GALNT18: variants seen among roughly 807,000 people sequenced by gnomAD.
GALNT18 encodes the protein GalNAc-transferase 18.
Under a neutral mutation model 69.5 loss-of-function variants are expected in GALNT18, and 44 were observed. The ratio of observed to expected loss-of-function variants is 0.63; its 90% CI spans 0.50 to 0.81. The LOEUF is 0.81. Among genes scored for constraint, GALNT18 ranks in the 40% least tolerant of loss-of-function variants. The probability of loss-of-function intolerance (pLI) is 0.00; values close to 1 mark genes in which losing one functional copy is unlikely to be tolerated. For synonymous variants in GALNT18, 364 were observed against 318.2 expected (o/e 1.14, Z -1.53); for missense variants, 715 against 810.0 (o/e 0.88, Z 1.42).
At chr11:11,608,347 G>A (rs937138035) in intron 1 of GALNT18, among the ~76,000 whole-genome samples, 9 of 151,956 alleles carry the variant, frequency 5.9e-5, no homozygotes, top group East Asian at 3.9e-4. Flanking sequence ...GGGGGTGCTC[G>A]CCTGTCTTTT....
intron 1 of GALNT18, among the ~76,000 whole-genome samples, chr11:11,560,113 A>G (rs1858447444): frequency 6.6e-6 from 1 of 151,192 alleles, no homozygotes; most frequent in Admixed American, 6.6e-5. Context: ...ATAGAATAAG[A>G]TACAATGGGA....
chr11:11,563,129 T>G lies in GALNT18; in HGVS notation c.235+58230A>C, dbSNP rs578046121. Among the ~76,000 whole-genome samples the G allele has an allele frequency of 1.1e-4, 17 of 151,910 alleles. No individual in the cohort carries two copies. Among genetic ancestry groups the G allele is most frequent in the African/African-American group, 3.9e-4 (16 of 41,418 alleles). ...TGACCCCCCACCACACCCCACAGAGTGCCCTCAAACAGTGGAGGAGCAGCT... is the reference window on the plus strand; with the variant it reads ...TGACCCCCCACCACACCCCACAGAGGGCCCTCAAACAGTGGAGGAGCAGCT... On this transcript the variant is annotated intron_variant, in intron 1 of 10. Transcript: ENST00000227756. The surrounding 1 kb of genome is among the most constrained non-coding windows in gnomAD (Gnocchi z 4.6).
chr11:11,282,734 A>G (rs1345542057), intron 10 of GALNT18, among the ~76,000 whole-genome samples: 1 of 151,892 alleles, frequency 6.6e-6, no homozygotes, highest in African/African-American at 2.4e-5. Context: ...CAGAGACACT[A>G]TTCATTAATC....
intron 6 of GALNT18, chr11:11,352,050 G>A: frequency 6.2e-7 from 1 of 1,613,776 alleles, no homozygotes. Flanking sequence ...AGTTGGCACT[G>A]AAGAAATCCC....
rs1854318636 is a variant in GALNT18, at chr11:11,396,049, G to A, written c.596-16785C>T. Among the ~76,000 whole-genome samples, 2 of 152,196 alleles carry A rather than the reference G, an allele frequency of 1.3e-5. No individual in the cohort carries two copies. Among genetic ancestry groups the A allele is most frequent in the Non-Finnish European group, 2.9e-5 (2 of 68,032 alleles). ...TGCCATTTTCCTGGGGTACAGCTGA[G>A]CCTTACCCAGCAACAACCACTTCCC... is the stretch of plus-strand genomic sequence containing the variant. On this transcript the variant is annotated intron_variant, in intron 3 of 10. Coordinates refer to ENST00000227756, the MANE Select transcript of GALNT18 (RefSeq NM_198516.3). The surrounding 1 kb of genome is among the most constrained non-coding windows in gnomAD (Gnocchi z 5.2).
intron 1 of GALNT18, among the ~76,000 whole-genome samples, chr11:11,537,366 A>G (rs200659582): frequency 9.5e-4 from 2 of 2,096 alleles, no homozygotes; most frequent in East Asian, 0.031. Flanking sequence ...CAAGTCAGGG[A>G]AAAAAAAATC....
chr11:11,382,878 T>C lies in GALNT18; in HGVS notation c.596-3614A>G, dbSNP rs1159068689. ...ATATTTTGTGCTTGTTTTAATGCGTTGGAGAAAGAGGAGGCAGGGAGTCTG... is the reference window on the plus strand; with the variant it reads ...ATATTTTGTGCTTGTTTTAATGCGTCGGAGAAAGAGGAGGCAGGGAGTCTG... On this transcript the variant is annotated intron_variant, in intron 3 of 10. Coordinates refer to ENST00000227756, the MANE Select transcript of GALNT18 (RefSeq NM_198516.3). This position sits in a 1 kb window ranked among gnomAD's most constrained non-coding sequence, Gnocchi z 4.3. 6.6e-6 allele frequency among the ~76,000 whole-genome samples: 1 copy of C among 152,202 alleles called. No individual in the cohort carries two copies. The highest frequency in any genetic ancestry group is 1.5e-5 in the Non-Finnish European group (1 of 68,032).
At position 11,480,853 on chromosome 11, in the gene GALNT18, T is replaced by A. The variant is rs1341078438; in HGVS notation, c.236-31917A>T. On this transcript the variant is annotated intron_variant, in intron 1 of 10. Transcript: ENST00000227756. The surrounding 1 kb of genome is among the most constrained non-coding windows in gnomAD (Gnocchi z 4.6). The stretch of plus-strand genomic sequence containing the variant: ...AAGGGAATTACTGCTTAATCCTGGT[T>A]AGGGGAAAATGATTCCTGACTCAGG... Among the ~76,000 whole-genome samples the A allele has an allele frequency of 6.6e-6, 1 of 152,200 alleles. No individual in the cohort carries two copies. Among genetic ancestry groups the A allele is most frequent in the Non-Finnish European group, 1.5e-5 (1 of 68,044 alleles).
At chr11:11,303,517 C>A (rs1215479659) in intron 9 of GALNT18, among the ~76,000 whole-genome samples, 5 of 152,088 alleles carry the variant, frequency 3.3e-5, no homozygotes. Context: ...CTAGCTATAC[C>A]TGTGGCCATT....
intron 3 of GALNT18, among the ~76,000 whole-genome samples, chr11:11,410,828 GT>G (rs11304745): frequency 0.046 from 7,001 of 152,246 alleles, 551 homozygotes; most frequent in African/African-American, 0.16. Flanking sequence ...AAAGGCCTGG[GT>G]GACCCTTACT....
Position 11,341,781 on chromosome 11 carries a change from C to G in GALNT18, c.1093-777G>C, listed in dbSNP as rs1261123137. Among the ~76,000 whole-genome samples, 3 of 151,912 alleles carry G rather than the reference C, an allele frequency of 2.0e-5. No homozygotes were observed. Among genetic ancestry groups the G allele is most frequent in the African/African-American group, 7.3e-5 (3 of 41,352 alleles). ...CCATTCTGCTGGTAATTTTAGAATG[C>G]CCCACTGCCCCCAACTCCTTCTTCA... On this transcript the variant is annotated intron_variant, in intron 6 of 10. Transcript: ENST00000227756. The surrounding 1 kb of genome is among the most constrained non-coding windows in gnomAD (Gnocchi z 6.3).
chr11:11,498,475 C>T (rs749113), intron 1 of GALNT18, among the ~76,000 whole-genome samples: 15,528 of 152,228 alleles, frequency 0.1, 1,145 homozygotes, highest in East Asian at 0.34. Flanking sequence ...GTAGAAGAGT[C>T]GAGAAAACTC....
intron 1 of GALNT18, among the ~76,000 whole-genome samples, chr11:11,571,984 G>A (rs947682092): frequency 2.0e-5 from 3 of 152,192 alleles, no homozygotes; most frequent in Non-Finnish European, 4.4e-5. Flanking sequence ...CTGGGCATAG[G>A]AATTCCCTGG....
Position 11,372,590 on chromosome 11 carries a change from C to G in GALNT18, c.1017G>C (p.Gln339His). Residue 339 changes from glutamine (Q) to histidine (H), a missense_variant, in exon 6 of 11, where the codon CAG becomes CAC. By Grantham distance (24) the Gln-to-His change is conservative (BLOSUM62 0). Coordinates refer to ENST00000227756, the MANE Select transcript of GALNT18 (RefSeq NM_198516.3). The surrounding 1 kb of genome is among the most constrained non-coding windows in gnomAD (Gnocchi z 4.9). ...CCAGCAGGCCGATCTCCTGGAAGTA[C>G]TGCCGGTCCACAATGAAGCAGCCAA... ...ALIGCFIVDR[Q>H]YFQEIGLLDE... The G allele has an allele frequency of 6.2e-7, 1 of 1,614,190 alleles. No homozygotes were observed. Among genetic ancestry groups the G allele is most frequent in the Non-Finnish European group, 8.5e-7 (1 of 1,180,032 alleles).
At chr11:11,530,241 T>C (rs962028557) in intron 1 of GALNT18, among the ~76,000 whole-genome samples, 5 of 152,164 alleles carry the variant, frequency 3.3e-5, no homozygotes, top group African/African-American at 7.2e-5. Context: ...ATTCCTGCCA[T>C]CTTTAGCATG....
chr11:11,298,045 C>T (rs369015505), intron 9 of GALNT18, among the ~76,000 whole-genome samples: 230 of 152,336 alleles, frequency 1.5e-3, no homozygotes, highest in African/African-American at 5.1e-3. Flanking sequence ...TTGCACATTC[C>T]TGCCTTTAGA....
At chr11:11,513,650 T>C (rs1467404388) in intron 1 of GALNT18, among the ~76,000 whole-genome samples, 1 of 152,224 alleles carries the variant, frequency 6.6e-6, no homozygotes, top group East Asian at 1.9e-4. Flanking sequence ...ATCCAATCTG[T>C]TTTGTTCAAG....
At chr11:11,446,670 T>G (rs1484391608) in intron 2 of GALNT18, among the ~76,000 whole-genome samples, 1 of 152,218 alleles carries the variant, frequency 6.6e-6, no homozygotes, top group African/African-American at 2.4e-5. Flanking sequence ...AGGCCACCAC[T>G]GCCTCTCACC....
chr11:11,301,859 G>T (rs1416765410), intron 9 of GALNT18, among the ~76,000 whole-genome samples: 1 of 152,202 alleles, frequency 6.6e-6, no homozygotes, highest in Non-Finnish European at 1.5e-5. Context: ...AGACATGCAG[G>T]AGGATGGGTA....
Sources: gnomAD v4.1 joint callset for allele counts (sites outside exome capture counted in the v4.1 genomes callset) on GRCh38, gnomAD v4.1.1 for gene constraint, Gnocchi (gnomAD v3.1) non-coding constraint, MANE v1.5 for transcripts, NCBI Gene and HGNC (gene_info 2026-07-23, HGNC 2026-07-21) for gene names.